MAST4: variants seen among roughly 807,000 people sequenced by gnomAD.
MAST4 encodes the protein microtubule-associated serine/threonine-protein kinase 4.
Under a neutral mutation model 162.7 loss-of-function variants are expected in MAST4, and 89 were observed. The ratio of observed to expected loss-of-function variants is 0.55; its 90% CI spans 0.46 to 0.65. The LOEUF (loss-of-function observed/expected upper bound fraction) is 0.65, where lower values mean the gene tolerates loss of function less well. MAST4 is among the 30% of genes least tolerant of loss of function. MAST4 has a pLI of 0.00. For missense variants in MAST4, 3,153 were observed against 3,374.0 expected (o/e 0.93, Z 1.62); for synonymous variants, 1,479 against 1,361.1 (o/e 1.09, Z -1.91).
chr5:67,052,901 C>G (rs1758358698), intron 4 of MAST4, among the ~76,000 whole-genome samples: 1 of 152,042 alleles, frequency 6.6e-6, no homozygotes, highest in African/African-American at 2.4e-5. Flanking sequence ...TGAAAGAAGA[C>G]ATTAATTTGA....
At chr5:66,682,572 C>G (rs540268139) in intron 1 of MAST4, among the ~76,000 whole-genome samples, 1 of 152,138 alleles carries the variant, frequency 6.6e-6, no homozygotes, top group Admixed American at 6.5e-5. Context: ...ATCCTTAGAA[C>G]TGTTATGTTA....
rs569287700 is a variant in MAST4, at chr5:66,751,263, T to C, written c.364-8446T>C. Reference sequence around the variant, plus strand: ...CCTCTCCTCCTCCAAAGGAATGCAGTTCCTCACCAGCAACGGAACAAAGCT... The same window carrying C: ...CCTCTCCTCCTCCAAAGGAATGCAGCTCCTCACCAGCAACGGAACAAAGCT... On this transcript the variant is annotated intron_variant, in intron 1 of 28. Coordinates refer to ENST00000403625, the MANE Select transcript of MAST4 (RefSeq NM_001164664.2). 2.0e-4 allele frequency among the ~76,000 whole-genome samples: 31 copies of C among 152,212 alleles called. 1 individual carries two copies. Among genetic ancestry groups the C allele is most frequent in the South Asian group, 1.5e-3 (7 of 4,804 alleles).
chr5:67,052,618 T>C (rs1363488768), intron 4 of MAST4, among the ~76,000 whole-genome samples: 1 of 152,152 alleles, frequency 6.6e-6, no homozygotes, highest in Admixed American at 6.5e-5. Flanking sequence ...CACTGATATA[T>C]CTAGTTAAGA....
intron 1 of MAST4, among the ~76,000 whole-genome samples, chr5:66,627,813 T>A (rs2149416953): frequency 6.6e-6 from 1 of 152,232 alleles, no homozygotes; most frequent in East Asian, 1.9e-4. Flanking sequence ...GACTGTGGGA[T>A]CTTGCATATT....
chr5:66,629,597 C>T (rs1744668699), intron 1 of MAST4, among the ~76,000 whole-genome samples: 1 of 152,320 alleles, frequency 6.6e-6, no homozygotes, highest in Admixed American at 6.5e-5. Context: ...ATAGCAGCTG[C>T]TGTCTGCCTG....
intron 1 of MAST4, among the ~76,000 whole-genome samples, chr5:66,609,540 C>T (rs1226720566): frequency 6.6e-6 from 1 of 151,226 alleles, no homozygotes; most frequent in African/African-American, 2.4e-5. Context: ...CAGGCGCATA[C>T]TACCACGGCC....
chr5:66,696,942 A>G (rs1749443893), intron 1 of MAST4, among the ~76,000 whole-genome samples: 1 of 152,206 alleles, frequency 6.6e-6, no homozygotes, highest in South Asian at 2.1e-4. Context: ...ATTGTATCTT[A>G]ACCCTTGAGA....
At chr5:67,060,003 C>G (rs1759355841) in intron 5 of MAST4, among the ~76,000 whole-genome samples, 1 of 152,152 alleles carries the variant, frequency 6.6e-6, no homozygotes, top group Non-Finnish European at 1.5e-5. Flanking sequence ...TGCCTCCCAC[C>G]CCACAACCAC....
intron 4 of MAST4, among the ~76,000 whole-genome samples, chr5:67,040,740 A>G (rs1432643518): frequency 6.6e-6 from 1 of 152,186 alleles, no homozygotes; most frequent in African/African-American, 2.4e-5. Context: ...TGTGATTTCT[A>G]TGTATGACCA....
intron 4 of MAST4, among the ~76,000 whole-genome samples, chr5:67,025,826 G>A (rs763901142): frequency 6.6e-6 from 1 of 152,142 alleles, no homozygotes; most frequent in Non-Finnish European, 1.5e-5. Flanking sequence ...CCTCTGGAGG[G>A]CCCCAAGGCC....
intron 1 of MAST4, among the ~76,000 whole-genome samples, chr5:66,681,764 C>T (rs1229896789): frequency 2.0e-5 from 3 of 152,202 alleles, no homozygotes; most frequent in Non-Finnish European, 4.4e-5. Context: ...TTAGTGCTTA[C>T]CCACCTGTAT....
At chr5:67,041,432 C>T (rs1166347826) in intron 4 of MAST4, among the ~76,000 whole-genome samples, 1 of 152,134 alleles carries the variant, frequency 6.6e-6, no homozygotes, top group African/African-American at 2.4e-5. Context: ...TGTATGAAAA[C>T]GAATATGCCT....
intron 4 of MAST4, among the ~76,000 whole-genome samples, chr5:67,000,727 G>A (rs906778606): frequency 1.4e-5 from 2 of 140,784 alleles, no homozygotes; most frequent in East Asian, 2.3e-4. Flanking sequence ...CAGCCTGGGC[G>A]ACAAGAGTGA....
At chr5:67,158,707 A>T (rs1399763486) in intron 26 of MAST4, among the ~76,000 whole-genome samples, 1 of 152,242 alleles carries the variant, frequency 6.6e-6, no homozygotes, top group Non-Finnish European at 1.5e-5. Context: ...AAACTAAATA[A>T]GGGACAACAT....
chr5:66,824,491 G>GT (rs566187035), intron 3 of MAST4, among the ~76,000 whole-genome samples: 35 of 152,350 alleles, frequency 2.3e-4, no homozygotes, highest in Admixed American at 5.9e-4. Flanking sequence ...GATTAGGCCA[G>GT]TGGAATGGAG....
chr5:66,780,899 A>G (rs1047102354), intron 2 of MAST4, among the ~76,000 whole-genome samples: 4 of 152,192 alleles, frequency 2.6e-5, no homozygotes, highest in African/African-American at 9.6e-5. Context: ...TCCTCTAGCT[A>G]GACAGAAAAG....
chr5:67,100,352 A>G (rs555270250), intron 7 of MAST4, 83 bp from the exon 8 acceptor site: 1 of 1,389,120 alleles, frequency 7.2e-7, no homozygotes, highest in Admixed American at 2.0e-5. Flanking sequence ...GGTATTGTCC[A>G]AGTTTAACTC....
At chr5:66,666,062 G>C (rs183080664) in intron 1 of MAST4, among the ~76,000 whole-genome samples, 5 of 152,156 alleles carry the variant, frequency 3.3e-5, no homozygotes, top group African/African-American at 1.2e-4. Flanking sequence ...GGTCAGATCC[G>C]AACACTTCAG....
chr5:67,096,793 C>T (rs895321301), intron 7 of MAST4, among the ~76,000 whole-genome samples: 7 of 152,078 alleles, frequency 4.6e-5, no homozygotes, highest in Admixed American at 1.3e-4. Context: ...ATTTTTCTAT[C>T]CATTATTCCA....
Sources: gnomAD v4.1 joint callset for allele counts (sites outside exome capture counted in the v4.1 genomes callset) on GRCh38, gnomAD v4.1.1 for gene constraint, MANE v1.5 for transcripts, NCBI Gene and HGNC (gene_info 2026-07-23, HGNC 2026-07-21) for gene names.